DCC: variants seen among roughly 807,000 people sequenced by gnomAD.
DCC encodes the protein netrin receptor DCC.
A neutral mutation model predicts 172.5 loss-of-function variants in DCC; 58 were observed. The observed-to-expected ratio is 0.34, with a 90% confidence interval of 0.27 to 0.42. The LOEUF (loss-of-function observed/expected upper bound fraction) is 0.42, where lower values mean the gene tolerates loss of function less well. Among genes scored for constraint, DCC ranks in the 10% least tolerant of loss-of-function variants. The pLI, the probability that DCC is intolerant of heterozygous loss-of-function variation, is 1.00. For synonymous variants in DCC, 709 were observed against 644.5 expected (o/e 1.10, Z -1.52); for missense variants, 1,740 against 1,791.0 (o/e 0.97, Z 0.51).
At chr18:53,388,146 G>A (rs1038462600) in intron 16 of DCC, among the ~76,000 whole-genome samples, 1 of 152,194 alleles carries the variant, frequency 6.6e-6, no homozygotes, top group Non-Finnish European at 1.5e-5. Flanking sequence ...TGGAATTTGT[G>A]TGAGGAATTT....
chr18:52,712,888 C>A (rs932198483), intron 1 of DCC, among the ~76,000 whole-genome samples: 6 of 152,136 alleles, frequency 3.9e-5, no homozygotes, highest in African/African-American at 1.4e-4. Flanking sequence ...GAGCTCTGCC[C>A]CTGTGTCCCC....
chr18:53,150,296 A>G (rs1008840600), intron 7 of DCC, among the ~76,000 whole-genome samples: 2 of 152,214 alleles, frequency 1.3e-5, no homozygotes, highest in African/African-American at 4.8e-5. Flanking sequence ...CTCCCAGTGC[A>G]TATTCTCAAG....
At chr18:53,366,931 G>T (rs924588431) in intron 15 of DCC, among the ~76,000 whole-genome samples, 2 of 152,140 alleles carry the variant, frequency 1.3e-5, no homozygotes, top group East Asian at 3.9e-4. Context: ...AGCCACAGGG[G>T]ATAACAGTGT....
At chr18:53,102,607 T>G (rs927989035) in intron 7 of DCC, among the ~76,000 whole-genome samples, 1 of 152,106 alleles carries the variant, frequency 6.6e-6, no homozygotes, top group African/African-American at 2.4e-5. Context: ...TTGAAGTTAA[T>G]TATGGTGCAG....
At chr18:52,696,792 G>A (rs1048511000) in intron 1 of DCC, among the ~76,000 whole-genome samples, 1 of 152,334 alleles carries the variant, frequency 6.6e-6, no homozygotes, top group Non-Finnish European at 1.5e-5. Context: ...CAAGTTATGA[G>A]AGCCTGGAAT....
intron 3 of DCC, among the ~76,000 whole-genome samples, chr18:52,908,376 A>T (rs2039921564): frequency 6.6e-6 from 1 of 152,216 alleles, no homozygotes; most frequent in Non-Finnish European, 1.5e-5. Flanking sequence ...GCTAGCATTT[A>T]TTCCCAAAAC....
chr18:52,454,561 T>C (rs572419851), intron 1 of DCC, among the ~76,000 whole-genome samples: 2 of 152,224 alleles, frequency 1.3e-5, no homozygotes, highest in Admixed American at 1.3e-4. Flanking sequence ...TTGACCGTGG[T>C]CACTAAACAG....
chr18:52,421,054 T>G (rs986606616), intron 1 of DCC, among the ~76,000 whole-genome samples: 5 of 152,182 alleles, frequency 3.3e-5, no homozygotes, highest in African/African-American at 1.2e-4. Flanking sequence ...ATAATGATTC[T>G]CTTCAGTGCA....
At chr18:53,281,780 T>C (rs552154302) in intron 12 of DCC, among the ~76,000 whole-genome samples, 23 of 151,880 alleles carry the variant, frequency 1.5e-4, no homozygotes, top group Middle Eastern at 6.8e-3. Context: ...TTTTTTTTTT[T>C]TTTGCCTGAG....
chr18:52,678,281 G>T (rs1472495416), intron 1 of DCC, among the ~76,000 whole-genome samples: 2 of 152,078 alleles, frequency 1.3e-5, no homozygotes, highest in Non-Finnish European at 2.9e-5. Flanking sequence ...TTATTGGTTG[G>T]CATACTCCTG....
intron 9 of DCC, among the ~76,000 whole-genome samples, chr18:53,204,068 T>C (rs187345784): frequency 1.4e-5 from 2 of 140,398 alleles, no homozygotes; most frequent in Admixed American, 6.7e-5. Context: ...TTACTGCAAA[T>C]ATATAGTTAC....
At chr18:53,245,444 G>A (rs1425397221) in intron 12 of DCC, among the ~76,000 whole-genome samples, 1 of 152,080 alleles carries the variant, frequency 6.6e-6, no homozygotes, top group Non-Finnish European at 1.5e-5. Flanking sequence ...GCCCTACAGA[G>A]TTTTTATGTG....
At chr18:52,938,197 ACTC>A (rs936816547) in intron 5 of DCC, among the ~76,000 whole-genome samples, 2 of 152,010 alleles carry the variant, frequency 1.3e-5, no homozygotes, top group African/African-American at 4.8e-5. Context: ...TTTTAGAAAA[ACTC>A]AAGGTGGAGG....
chr18:53,194,131 T>A (rs1483735541), intron 9 of DCC, among the ~76,000 whole-genome samples: 2 of 152,264 alleles, frequency 1.3e-5, no homozygotes, highest in African/African-American at 4.8e-5. Flanking sequence ...CTGCCTCTGG[T>A]GCATATCTAT....
intron 15 of DCC, among the ~76,000 whole-genome samples, chr18:53,351,108 A>G (rs1444570323): frequency 6.6e-6 from 1 of 150,810 alleles, no homozygotes; most frequent in East Asian, 2.0e-4. Context: ...TGATTCATTA[A>G]TAATACATAC....
intron 1 of DCC, among the ~76,000 whole-genome samples, chr18:52,706,831 TTG>T (rs1165002334): frequency 2.6e-5 from 4 of 152,016 alleles, no homozygotes; most frequent in African/African-American, 9.7e-5. Context: ...ATGGTGAGAG[TTG>T]TGCTATGATA....
intron 1 of DCC, among the ~76,000 whole-genome samples, chr18:52,616,833 G>A (rs1331524061): frequency 6.6e-6 from 1 of 152,174 alleles, no homozygotes; most frequent in East Asian, 1.9e-4. Context: ...GAAGTTGGAG[G>A]TGTGGGAGGG....
At chr18:52,573,275 A>C (rs1030115635) in intron 1 of DCC, among the ~76,000 whole-genome samples, 2 of 152,184 alleles carry the variant, frequency 1.3e-5, no homozygotes, top group African/African-American at 4.8e-5. Flanking sequence ...CATATGCTAT[A>C]TACTTCTCTA....
intron 2 of DCC, among the ~76,000 whole-genome samples, chr18:52,847,728 T>C (rs1376322748): frequency 1.3e-5 from 2 of 151,938 alleles, no homozygotes; most frequent in African/African-American, 4.9e-5. Flanking sequence ...GGTTAGACCA[T>C]TGGATCAAGG....
Sources: gnomAD v4.1 joint callset for allele counts (sites outside exome capture counted in the v4.1 genomes callset) on GRCh38, gnomAD v4.1.1 for gene constraint, MANE v1.5 for transcripts, NCBI Gene and HGNC (gene_info 2026-07-23, HGNC 2026-07-21) for gene names.